MAGI3: variants seen among roughly 807,000 people sequenced by gnomAD.
MAGI3 encodes the protein membrane associated guanylate kinase, WW and PDZ domain containing 3.
Under a neutral mutation model 121.8 loss-of-function variants are expected in MAGI3, and 43 were observed. That is an observed-to-expected ratio of 0.35 (90% CI 0.28 to 0.46). The LOEUF (loss-of-function observed/expected upper bound fraction) is 0.46, where lower values mean the gene tolerates loss of function less well. MAGI3 is among the 20% of genes least tolerant of loss of function. The pLI is 1.00. For missense variants in MAGI3, 1,547 were observed against 1,797.3 expected, an observed-to-expected ratio of 0.86 and a Z score of 2.52; for synonymous variants, 553 against 639.3, an observed-to-expected ratio of 0.86 and a Z score of 2.04.
intron 1 of MAGI3, among the ~76,000 whole-genome samples, chr1:113,472,597 GT>G (rs1001954126): frequency 1.8e-4 from 27 of 146,774 alleles, no homozygotes; most frequent in South Asian, 6.6e-4. Flanking sequence ...GAATTTGATA[GT>G]TTTTTTTTTA....
intron 6 of MAGI3, among the ~76,000 whole-genome samples, chr1:113,612,948 T>C (rs892839381): frequency 1.1e-4 from 16 of 152,190 alleles, no homozygotes; most frequent in Non-Finnish European, 2.9e-5. Context: ...ATAAATCTAA[T>C]TGTGGTACAG....
chr1:113,613,634 T>C (rs1650293985), intron 6 of MAGI3, among the ~76,000 whole-genome samples: 2 of 152,162 alleles, frequency 1.3e-5, no homozygotes, highest in Admixed American at 6.5e-5. Context: ...AGCAGAAGCA[T>C]TCTTAAGAGA....
chr1:113,487,846 G>A (rs1309184838), intron 1 of MAGI3, among the ~76,000 whole-genome samples: 1 of 150,148 alleles, frequency 6.7e-6, no homozygotes, highest in East Asian at 2.0e-4. Context: ...TTTCACTTTA[G>A]TACCACACTT....
chr1:113,664,316 G>A (rs183229217), intron 16 of MAGI3, among the ~76,000 whole-genome samples: 6 of 152,264 alleles, frequency 3.9e-5, no homozygotes, highest in East Asian at 3.9e-4. Context: ...CTGCTTGACC[G>A]TTTTCCATGA....
Position 113,549,591 on chromosome 1 carries a change from G to T in MAGI3, c.393G>T (p.Gln131His). Residue 131 changes from glutamine to histidine, a missense_variant, in exon 2 of 21, where the codon CAG becomes CAT. Gln to His is a conservative substitution (Grantham distance 24). Transcript: ENST00000307546. ...AAGGATCAATTGACCACAAACTGCA[G>T]CAAGTGATCAGAGATAATCTCTACT... Reference protein sequence around the residue: ...FQKGSIDHKLQQVIRDNLYLR... With the variant: ...FQKGSIDHKLHQVIRDNLYLR... 6.2e-7 allele frequency: 1 copy of T among 1,608,112 alleles called. No homozygotes were observed. Among genetic ancestry groups the T allele is most frequent in the African/African-American group, 1.3e-5 (1 of 74,668 alleles).
chr1:113,396,793 G>C (rs1651139064), intron 1 of MAGI3, among the ~76,000 whole-genome samples: 1 of 152,186 alleles, frequency 6.6e-6, no homozygotes, highest in African/African-American at 2.4e-5. Flanking sequence ...TCTTCAAGAA[G>C]CTGGCAGTTT....
chr1:113,659,075 C>G lies in MAGI3; in HGVS notation c.2630-5C>G. On this transcript the variant is annotated splice_polypyrimidine_tract_variant and splice_region_variant and intron_variant, in intron 15 of 20. Transcript: ENST00000307546. The stretch of plus-strand genomic sequence containing the variant: ...TTGAAAAACCTGGGGTTTTTTTTCC[C>G]ATAGTTATTCCTCATAAAATTGGCC... 1 of 1,577,354 alleles carries G rather than the reference C, an allele frequency of 6.3e-7. No homozygotes were observed. The highest frequency in any genetic ancestry group is 8.6e-7 in the Non-Finnish European group (1 of 1,163,376).
chr1:113,432,910 C>T (rs1419323783), intron 1 of MAGI3, among the ~76,000 whole-genome samples: 1 of 152,058 alleles, frequency 6.6e-6, no homozygotes, highest in Admixed American at 6.6e-5. Context: ...CTGCCAAGCA[C>T]GGTGCCTCAT....
intron 5 of MAGI3, among the ~76,000 whole-genome samples, chr1:113,592,976 C>T (rs1423296842): frequency 6.6e-6 from 1 of 152,186 alleles, no homozygotes; most frequent in Non-Finnish European, 1.5e-5. Context: ...CGGGCCACTG[C>T]ACTCCAGCCT....
chr1:113,674,209 T>C (rs6704054), intron 19 of MAGI3, among the ~76,000 whole-genome samples: 52,433 of 151,802 alleles, frequency 0.35, 10,119 homozygotes, highest in South Asian at 0.5. Context: ...CTGACCAACA[T>C]GGAGAAACCC....
intron 1 of MAGI3, among the ~76,000 whole-genome samples, chr1:113,543,350 TC>T (rs368484128): frequency 1.2e-4 from 18 of 152,328 alleles, no homozygotes; most frequent in African/African-American, 4.3e-4. Flanking sequence ...CTTTAAAGAC[TC>T]ATAGAGCTTG....
At chr1:113,613,840 G>A (rs967942230) in intron 6 of MAGI3, among the ~76,000 whole-genome samples, 1 of 152,150 alleles carries the variant, frequency 6.6e-6, no homozygotes, top group Admixed American at 6.5e-5. Flanking sequence ...GACAAAGTGG[G>A]AGGGAAAAGA....
At chr1:113,590,696 C>T (rs1427766640) in intron 5 of MAGI3, 38 bp downstream of exon 5, 2 of 1,560,472 alleles carry the variant, frequency 1.3e-6, no homozygotes, top group East Asian at 2.3e-5. Flanking sequence ...TGTGCCCTAA[C>T]ATGTTGAGGA....
chr1:113,632,275 A>G (rs1215491097), intron 9 of MAGI3, among the ~76,000 whole-genome samples: 1 of 152,178 alleles, frequency 6.6e-6, no homozygotes, highest in African/African-American at 2.4e-5. Context: ...GACCTTTTCA[A>G]CATTTTATCC....
At chr1:113,504,870 A>G (rs1368719267) in intron 1 of MAGI3, among the ~76,000 whole-genome samples, 1 of 152,198 alleles carries the variant, frequency 6.6e-6, no homozygotes, top group East Asian at 1.9e-4. Context: ...ACTATCACAA[A>G]AAGCACTATA....
At chr1:113,420,862 A>AT (rs888998586) in intron 1 of MAGI3, among the ~76,000 whole-genome samples, 8 of 152,158 alleles carry the variant, frequency 5.3e-5, no homozygotes, top group African/African-American at 1.4e-4. Flanking sequence ...ATGTCTGTAC[A>AT]TGGGGGGAGT....
chr1:113,583,979 C>T (rs868271037), intron 3 of MAGI3, among the ~76,000 whole-genome samples: 1 of 152,104 alleles, frequency 6.6e-6, no homozygotes, highest in South Asian at 2.1e-4. Flanking sequence ...TGTTTTCCCC[C>T]TCAAAACATG....
intron 8 of MAGI3, among the ~76,000 whole-genome samples, chr1:113,620,818 C>T (rs981023261): frequency 6.0e-4 from 91 of 152,198 alleles, no homozygotes; most frequent in Non-Finnish European, 1.3e-4. Context: ...ATCTTGGGTA[C>T]GTTTCCTAAA....
At chr1:113,477,418 C>T (rs1466832015) in intron 1 of MAGI3, among the ~76,000 whole-genome samples, 1 of 152,076 alleles carries the variant, frequency 6.6e-6, no homozygotes, top group Non-Finnish European at 1.5e-5. Flanking sequence ...GTAAGGCAGG[C>T]CTGGTGGTGA....
Sources: allele counts gnomAD v4.1 joint callset (sites outside exome capture counted in the v4.1 genomes callset), GRCh38; gene constraint gnomAD v4.1.1; transcripts MANE v1.5; gene names NCBI Gene and HGNC (gene_info 2026-07-23, HGNC 2026-07-21).